The following ROBO2 variants were observed in gnomAD, a reference collection of about 807,000 sequenced individuals.
The protein encoded by ROBO2 is roundabout homolog 2.
ROBO2 carries 53 observed loss-of-function variants against 160.8 expected under a neutral mutation model. The ratio of observed to expected loss-of-function variants is 0.33; its 90% CI spans 0.26 to 0.41. The LOEUF is 0.41. Among genes scored for constraint, ROBO2 ranks in the 10% least tolerant of loss-of-function variants. The probability of loss-of-function intolerance (pLI) is 1.00; values close to 1 mark genes in which losing one functional copy is unlikely to be tolerated. For missense variants in ROBO2, 1,577 were observed against 1,722.4 expected (o/e 0.92, Z 1.49); for synonymous variants, 664 against 611.7 (o/e 1.09, Z -1.26).
At chr3:76,179,616 TC>T (rs35042331) in intron 2 of ROBO2, among the ~76,000 whole-genome samples, 1,641 of 152,222 alleles carry the variant, frequency 0.011, 39 homozygotes, top group African/African-American at 0.037. Context: ...AAACTTGGCT[TC>T]CCGTATTGAC....
chr3:76,229,791 T>C (rs190045127), intron 2 of ROBO2, among the ~76,000 whole-genome samples: 1 of 152,254 alleles, frequency 6.6e-6, no homozygotes, highest in East Asian at 1.9e-4. Context: ...ATTTATACAA[T>C]TATATTTACA....
At chr3:76,051,364 A>T (rs1056180396) in intron 2 of ROBO2, among the ~76,000 whole-genome samples, 5 of 152,210 alleles carry the variant, frequency 3.3e-5, no homozygotes, top group Non-Finnish European at 7.4e-5. Flanking sequence ...CTTTGAACTA[A>T]TCAAGGAAGG....
chr3:75,975,193 C>T (rs1173841529), intron 2 of ROBO2, among the ~76,000 whole-genome samples: 1 of 151,314 alleles, frequency 6.6e-6, no homozygotes, highest in Non-Finnish European at 1.5e-5. Context: ...TAATTGGGTA[C>T]AATACATGAA....
At chr3:76,155,581 G>A (rs1182136245) in intron 2 of ROBO2, among the ~76,000 whole-genome samples, 1 of 152,138 alleles carries the variant, frequency 6.6e-6, no homozygotes, top group African/African-American at 2.4e-5. Flanking sequence ...CTTTTGGAGG[G>A]AGAGGAGGAG....
intron 2 of ROBO2, among the ~76,000 whole-genome samples, chr3:76,403,492 G>A (rs1454096089): frequency 1.3e-5 from 2 of 151,566 alleles, no homozygotes; most frequent in African/African-American, 4.8e-5. Context: ...GGAGCTTTCA[G>A]TATGATGAGA....
chr3:76,749,740 A>G (rs917656305), intron 2 of ROBO2, among the ~76,000 whole-genome samples: 1 of 152,124 alleles, frequency 6.6e-6, no homozygotes, highest in Non-Finnish European at 1.5e-5. Flanking sequence ...ATGATGTAGC[A>G]TCAAAAACGT....
intron 2 of ROBO2, among the ~76,000 whole-genome samples, chr3:76,502,603 T>C (rs2080523132): frequency 6.6e-6 from 1 of 152,214 alleles, no homozygotes; most frequent in South Asian, 2.1e-4. Context: ...TGTGGATACA[T>C]AGCAAGTGTA....
intron 2 of ROBO2, among the ~76,000 whole-genome samples, chr3:76,639,744 A>C (rs2090550306): frequency 6.6e-6 from 1 of 152,168 alleles, no homozygotes; most frequent in Admixed American, 6.5e-5. Flanking sequence ...TGACACTCCA[A>C]CAGAAACCAT....
intron 2 of ROBO2, among the ~76,000 whole-genome samples, chr3:76,643,014 T>C (rs1243663880): frequency 6.6e-6 from 1 of 152,220 alleles, no homozygotes; most frequent in African/African-American, 2.4e-5. Context: ...CAAAGAAGGC[T>C]TCAGGTGGCT....
chr3:76,449,105 T>C (rs1431875997), intron 2 of ROBO2, among the ~76,000 whole-genome samples: 1 of 152,192 alleles, frequency 6.6e-6, no homozygotes, highest in Non-Finnish European at 1.5e-5. Context: ...ATTCATGTAA[T>C]GGAACAGGGT....
intron 2 of ROBO2, among the ~76,000 whole-genome samples, chr3:76,279,302 A>G (rs1037479574): frequency 2.1e-5 from 3 of 144,718 alleles, no homozygotes; most frequent in South Asian, 2.2e-4. Flanking sequence ...TTACTCAGAT[A>G]TAACTTTCAT....
At chr3:76,871,888 A>G (rs2072133720) in intron 2 of ROBO2, among the ~76,000 whole-genome samples, 1 of 152,208 alleles carries the variant, frequency 6.6e-6, no homozygotes, top group South Asian at 2.1e-4. Flanking sequence ...GTGGCTGCAG[A>G]TGGCCATAGG....
intron 2 of ROBO2, among the ~76,000 whole-genome samples, chr3:76,309,598 G>T (rs1173671530): frequency 6.6e-6 from 1 of 152,116 alleles, no homozygotes; most frequent in Non-Finnish European, 1.5e-5. Flanking sequence ...GCGGTAATTT[G>T]TTCCCTTTTG....
chr3:77,329,623 G>C (rs1160276099), intron 2 of ROBO2, among the ~76,000 whole-genome samples: 1 of 152,152 alleles, frequency 6.6e-6, no homozygotes, highest in Non-Finnish European at 1.5e-5. Flanking sequence ...GCCATGTTTT[G>C]CTGGATAATT....
chr3:76,418,798 G>A (rs183776570), intron 2 of ROBO2, among the ~76,000 whole-genome samples: 165 of 150,866 alleles, frequency 1.1e-3, no homozygotes, highest in Non-Finnish European at 1.8e-3. Context: ...TATACTCAAA[G>A]ACCTTATAAT....
At chr3:76,405,164 A>C (rs549367999) in intron 2 of ROBO2, among the ~76,000 whole-genome samples, 15 of 151,708 alleles carry the variant, frequency 9.9e-5, no homozygotes, top group Non-Finnish European at 1.8e-4. Context: ...TGGGGTGTCA[A>C]ATGAACACAG....
chr3:76,045,222 T>G (rs2067410722), intron 2 of ROBO2, among the ~76,000 whole-genome samples: 1 of 152,114 alleles, frequency 6.6e-6, no homozygotes, highest in Non-Finnish European at 1.5e-5. Flanking sequence ...GTACAATCTT[T>G]GAGGCATGAT....
At chr3:76,421,736 A>AT (rs1491301511) in intron 2 of ROBO2, among the ~76,000 whole-genome samples, 1 of 151,386 alleles carries the variant, frequency 6.6e-6, no homozygotes. Context: ...AAAAAAAAAA[A>AT]GAAGATGGCA....
chr3:77,299,556 T>C (rs1325841186), intron 2 of ROBO2, among the ~76,000 whole-genome samples: 1 of 152,110 alleles, frequency 6.6e-6, no homozygotes, highest in Non-Finnish European at 1.5e-5. Flanking sequence ...AAAAAGCCCC[T>C]TATAAAACCA....
Sources: allele counts gnomAD v4.1 joint callset (sites outside exome capture counted in the v4.1 genomes callset), GRCh38; gene constraint gnomAD v4.1.1; transcripts MANE v1.5; gene names NCBI Gene and HGNC (gene_info 2026-07-23, HGNC 2026-07-21).